The following GMDS variants were observed in gnomAD, a reference collection of about 807,000 sequenced individuals.
GMDS encodes GDP-mannose 4,6 dehydratase.
A neutral mutation model predicts 49.9 loss-of-function variants in GMDS; 20 were observed. The observed-to-expected ratio is 0.40, with a 90% CI of 0.28 to 0.58. GMDS has a LOEUF of 0.58. GMDS is among the 20% of genes least tolerant of loss of function. GMDS has a pLI of 0.42. For missense variants in GMDS, 362 were observed against 481.4 expected (o/e 0.75, Z 2.32); for synonymous variants, 177 against 178.6 (o/e 0.99, Z 0.07).
intron 7 of GMDS, among the ~76,000 whole-genome samples, chr6:1,814,512 G>A (rs1770575188): frequency 6.6e-6 from 1 of 152,134 alleles, no homozygotes. Flanking sequence ...TGTGCCACAT[G>A]AGGCAAGAGA....
At chr6:2,072,774 TAAC>T (rs937199628) in intron 4 of GMDS, among the ~76,000 whole-genome samples, 2 of 152,318 alleles carry the variant, frequency 1.3e-5, no homozygotes, top group East Asian at 1.9e-4. Flanking sequence ...GCTGCAAGAA[TAAC>T]AACATTTTCA....
chr6:1,697,154 A>G (rs1163941760), intron 9 of GMDS, among the ~76,000 whole-genome samples: 1 of 152,162 alleles, frequency 6.6e-6, no homozygotes. Flanking sequence ...GGTGGATGTG[A>G]TTCCTACGTA....
intron 4 of GMDS, among the ~76,000 whole-genome samples, chr6:2,050,563 G>A (rs746791702): frequency 7.2e-5 from 11 of 152,148 alleles, no homozygotes; most frequent in Non-Finnish European, 1.3e-4. Flanking sequence ...AAGCATAGCA[G>A]AGACACAACG....
At position 1,635,377 on chromosome 6, in the gene GMDS, G is replaced by C. The variant is rs1363154373; in HGVS notation, c.988-10837C>G. Among the ~76,000 whole-genome samples, 1 of 152,218 alleles carries C rather than the reference G, an allele frequency of 6.6e-6. No individual in the cohort carries two copies. Among genetic ancestry groups the C allele is most frequent in the South Asian group, 2.1e-4 (1 of 4,834 alleles). On this transcript the variant is annotated intron_variant, in intron 9 of 10. Coordinates refer to ENST00000380815, the MANE Select transcript of GMDS (RefSeq NM_001500.4). This position sits in a 1 kb window ranked among gnomAD's most constrained non-coding sequence, Gnocchi z 4.7. ...GGTTAAGGCAAGCTGTGTCCACTGC[G>C]CAACCAACATGGCCCACTTTCATCC... is the stretch of plus-strand genomic sequence containing the variant.
chr6:1,996,025 G>C (rs1766255358), intron 4 of GMDS, among the ~76,000 whole-genome samples: 1 of 152,128 alleles, frequency 6.6e-6, no homozygotes, highest in African/African-American at 2.4e-5. Context: ...GTTCCCTGAG[G>C]GAGGGAGAAA....
intron 7 of GMDS, among the ~76,000 whole-genome samples, chr6:1,755,865 C>T (rs1767920323): frequency 6.6e-6 from 1 of 152,134 alleles, no homozygotes; most frequent in African/African-American, 2.4e-5. Flanking sequence ...GACTTCATGA[C>T]TAAAACACCA....
intron 1 of GMDS, among the ~76,000 whole-genome samples, chr6:2,131,705 G>T (rs2127518520): frequency 6.6e-6 from 1 of 152,072 alleles, no homozygotes; most frequent in Middle Eastern, 3.4e-3. Context: ...TGTGCTAGGT[G>T]GTACATAATA....
chr6:1,731,856 G>C (rs916347475), intron 8 of GMDS, among the ~76,000 whole-genome samples: 2 of 152,184 alleles, frequency 1.3e-5, no homozygotes, highest in Admixed American at 1.3e-4. Context: ...AGAGGCTCTA[G>C]GACTGCCTCA....
At chr6:2,030,862 A>C (rs1296754147) in intron 4 of GMDS, among the ~76,000 whole-genome samples, 1 of 152,230 alleles carries the variant, frequency 6.6e-6, no homozygotes, top group Non-Finnish European at 1.5e-5. Context: ...CTAAAATGTG[A>C]AAAAGCCTAG....
At chr6:1,779,976 T>G (rs1161110825) in intron 7 of GMDS, among the ~76,000 whole-genome samples, 1 of 152,200 alleles carries the variant, frequency 6.6e-6, no homozygotes, top group Admixed American at 6.5e-5. Flanking sequence ...AAAGGCACAG[T>G]GTGGTCCAGT....
chr6:1,956,726 C>G (rs1763657164), intron 6 of GMDS, among the ~76,000 whole-genome samples: 1 of 151,942 alleles, frequency 6.6e-6, no homozygotes. Flanking sequence ...ACAGGAAATT[C>G]TAGGTTTACA....
chr6:1,792,604 AC>A (rs1268507491), intron 7 of GMDS, among the ~76,000 whole-genome samples: 1 of 152,178 alleles, frequency 6.6e-6, no homozygotes, highest in African/African-American at 2.4e-5. Context: ...GAGTATATCT[AC>A]CAATAGCTTT....
intron 7 of GMDS, among the ~76,000 whole-genome samples, chr6:1,863,132 G>C (rs749505819): frequency 3.3e-5 from 5 of 152,020 alleles, no homozygotes; most frequent in Non-Finnish European, 7.4e-5. Context: ...GTTATCTGTT[G>C]CATCGATGGT....
At chr6:2,148,784 T>C (rs529036796) in intron 1 of GMDS, among the ~76,000 whole-genome samples, 27 of 152,316 alleles carry the variant, frequency 1.8e-4, no homozygotes, top group African/African-American at 5.5e-4. Context: ...TATATCAGCT[T>C]TGTCAAAGAG....
At chr6:1,812,663 G>A (rs999304550) in intron 7 of GMDS, among the ~76,000 whole-genome samples, 4 of 152,086 alleles carry the variant, frequency 2.6e-5, no homozygotes, top group African/African-American at 9.7e-5. Context: ...ACCCCCCACC[G>A]ACTGATTCAG....
chr6:2,097,099 A>G (rs1773648829), intron 4 of GMDS, among the ~76,000 whole-genome samples: 1 of 151,624 alleles, frequency 6.6e-6, no homozygotes, highest in South Asian at 2.1e-4. Context: ...ATTTGAAAAG[A>G]AAAAAAAAGT....
intron 6 of GMDS, among the ~76,000 whole-genome samples, chr6:1,937,694 C>T (rs77774532): frequency 0.026 from 3,914 of 152,300 alleles, 163 homozygotes; most frequent in East Asian, 0.18. Context: ...ATTATGTGGA[C>T]ACTTGTCATT....
chr6:2,186,335 T>A (rs1217423373), intron 1 of GMDS, among the ~76,000 whole-genome samples: 1 of 152,202 alleles, frequency 6.6e-6, no homozygotes, highest in Non-Finnish European at 1.5e-5. Context: ...TTTTTAAGTA[T>A]CCCTTAAAAT....
chr6:1,987,473 A>C (rs965221200), intron 4 of GMDS, among the ~76,000 whole-genome samples: 48 of 152,328 alleles, frequency 3.2e-4, no homozygotes, highest in African/African-American at 1.1e-3. Flanking sequence ...TTCATTCAAC[A>C]AATATTTATA....
Sources: gnomAD v4.1 joint callset for allele counts (sites outside exome capture counted in the v4.1 genomes callset) on GRCh38, gnomAD v4.1.1 for gene constraint, Gnocchi (gnomAD v3.1) non-coding constraint, MANE v1.5 for transcripts, NCBI Gene and HGNC (gene_info 2026-07-23, HGNC 2026-07-21) for gene names.